The following ARHGAP6 variants were observed in gnomAD, a reference collection of about 807,000 sequenced individuals.
The protein encoded by ARHGAP6 is Rho GTPase activating protein 6, also known as rho GTPase-activating protein 6.
Under a neutral mutation model 55.7 loss-of-function variants are expected in ARHGAP6, and 16 were observed. The ratio of observed to expected loss-of-function variants is 0.29; its 90% CI spans 0.19 to 0.44. The LOEUF (loss-of-function observed/expected upper bound fraction) is 0.44. ARHGAP6 is among the 20% of genes least tolerant of loss of function. ARHGAP6 has a pLI of 1.00. For missense variants in ARHGAP6, 698 were observed against 808.9 expected (o/e 0.86, Z 1.66); for synonymous variants, 382 against 360.9 (o/e 1.06, Z -0.66).
chrX:11,529,574 G>A (rs2051026873), intron 1 of ARHGAP6, among the ~76,000 whole-genome samples: 1 of 111,230 alleles, frequency 9.0e-6, no homozygotes, highest in African/African-American at 3.3e-5. Context: ...GCACTGGTCC[G>A]GGGACCATAC....
intron 1 of ARHGAP6, among the ~76,000 whole-genome samples, chrX:11,625,125 T>C (rs1341517948): frequency 8.9e-6 from 1 of 111,797 alleles, no homozygotes; most frequent in Non-Finnish European, 1.9e-5. Flanking sequence ...AATAGAACTG[T>C]AACACCATAT....
At chrX:11,409,469 T>C (rs1057510835) in intron 1 of ARHGAP6, among the ~76,000 whole-genome samples, 8 of 111,525 alleles carry the variant, frequency 7.2e-5, no homozygotes, top group Non-Finnish European at 1.3e-4. Context: ...ATGGTTGAAG[T>C]GGATGACCCC....
rs769828189 is a variant in ARHGAP6 at position 11,506,237 on chromosome X, C to T, written c.588+158004G>A. ...GGGGCTTTTTCTTCCTAAGACAGTA[C>T]ATAGTCTCCTTTTTTATATATACTT... is the stretch of plus-strand genomic sequence containing the variant. On this transcript the variant is annotated intron_variant, in intron 1 of 12. Coordinates refer to ENST00000337414, the MANE Select transcript of ARHGAP6 (RefSeq NM_013427.3). 3.2e-4 allele frequency among the ~76,000 whole-genome samples: 35 copies of T among 111,034 alleles called. No homozygotes were observed. In the South Asian group the frequency reaches 6.2e-3, roughly 20 times the overall value.
At chrX:11,139,795 A>C (rs922003988) in intron 12 of ARHGAP6, among the ~76,000 whole-genome samples, 1 of 112,311 alleles carries the variant, frequency 8.9e-6, no homozygotes, top group African/African-American at 3.2e-5. Flanking sequence ...TATATTAATA[A>C]TTGGCTTTGC....
chrX:11,627,532 T>C (rs920727130), intron 1 of ARHGAP6, among the ~76,000 whole-genome samples: 1 of 111,857 alleles, frequency 8.9e-6, no homozygotes, highest in Admixed American at 9.5e-5. Context: ...TTTTTAAACA[T>C]GCAAAAATGC....
At chrX:11,354,990 C>G (rs2048915000) in intron 1 of ARHGAP6, among the ~76,000 whole-genome samples, 1 of 111,478 alleles carries the variant, frequency 9.0e-6, no homozygotes, top group Non-Finnish European at 1.9e-5. Context: ...TAGGATGATA[C>G]TTTAAAAATT....
intron 1 of ARHGAP6, among the ~76,000 whole-genome samples, chrX:11,425,243 C>A (rs918245097): frequency 2.1e-4 from 24 of 111,672 alleles, no homozygotes; most frequent in African/African-American, 7.5e-4. Flanking sequence ...CCAAAAAAAA[C>A]CCAAGATCAC....
intron 12 of ARHGAP6, among the ~76,000 whole-genome samples, chrX:11,140,417 CAA>C (rs1211125181): frequency 1.2e-4 from 5 of 41,441 alleles, no homozygotes; most frequent in Admixed American, 3.5e-4. Context: ...GACTCCGTCA[CAA>C]AAAAAAAAAA....
chrX:11,257,147 A>G (rs1020025850), intron 1 of ARHGAP6, among the ~76,000 whole-genome samples: 1 of 111,552 alleles, frequency 9.0e-6, no homozygotes, highest in Non-Finnish European at 1.9e-5. Context: ...AATTTTTTTT[A>G]TTATTATTTT....
chrX:11,267,839 AAAAC>A (rs2047647139), intron 1 of ARHGAP6, among the ~76,000 whole-genome samples: 1 of 112,421 alleles, frequency 8.9e-6, no homozygotes, highest in African/African-American at 3.2e-5. Flanking sequence ...TCAAACCAGA[AAAAC>A]AAAACATAAA....
chrX:11,469,752 A>T lies in ARHGAP6; in HGVS notation c.588+194489T>A, dbSNP rs140263887. Among the ~76,000 whole-genome samples the T allele has an allele frequency of 8.1e-5, 9 of 111,475 alleles. No individual in the cohort carries two copies. In the East Asian group the frequency reaches 2.5e-3, roughly 31 times the overall value. On this transcript the variant is annotated intron_variant, in intron 1 of 12. Coordinates refer to ENST00000337414, the MANE Select transcript of ARHGAP6 (RefSeq NM_013427.3). The stretch of plus-strand genomic sequence containing the variant: ...AAGGAAGGGAATAATAGCAGAAGAA[A>T]AGCCTATCCCAATGTCATTCTCATA...
At chrX:11,513,287 C>T (rs144819650) in intron 1 of ARHGAP6, among the ~76,000 whole-genome samples, 3,110 of 111,475 alleles carry the variant, frequency 0.028, 48 homozygotes, top group Non-Finnish European at 0.044. Flanking sequence ...AAACAAACCA[C>T]CACCAACAAA....
At chrX:11,153,449 C>T (rs186478241) in intron 10 of ARHGAP6, among the ~76,000 whole-genome samples, 29 of 95,618 alleles carry the variant, frequency 3.0e-4, no homozygotes, top group African/African-American at 1.1e-3. Context: ...CGTTTGAACC[C>T]GGGAGGTGGG....
chrX:11,426,874 C>A (rs2049885514), intron 1 of ARHGAP6, among the ~76,000 whole-genome samples: 1 of 110,333 alleles, frequency 9.1e-6, no homozygotes, highest in African/African-American at 3.3e-5. Flanking sequence ...GTACCTGCAG[C>A]ACCTAGCGCA....
At chrX:11,344,274 T>A (rs1392405073) in intron 1 of ARHGAP6, among the ~76,000 whole-genome samples, 1 of 111,668 alleles carries the variant, frequency 9.0e-6, no homozygotes, top group African/African-American at 3.3e-5. Context: ...ATAAAAAATG[T>A]CCCATTGTCA....
At chrX:11,174,584 T>TTC (rs1366551800) in intron 8 of ARHGAP6, among the ~76,000 whole-genome samples, 34 of 91,854 alleles carry the variant, frequency 3.7e-4, no homozygotes, top group African/African-American at 1.1e-3. Flanking sequence ...CTTTCTTTCT[T>TTC]TCTTTCTTTT....
chrX:11,511,197 T>C (rs919942179), intron 1 of ARHGAP6, among the ~76,000 whole-genome samples: 1 of 112,332 alleles, frequency 8.9e-6, no homozygotes, highest in African/African-American at 3.2e-5. Flanking sequence ...TATACAAGCC[T>C]GCTATTGTAT....
At chrX:11,329,696 A>G (rs939950227) in intron 1 of ARHGAP6, among the ~76,000 whole-genome samples, 10 of 111,965 alleles carry the variant, frequency 8.9e-5, no homozygotes, top group African/African-American at 3.2e-4. Flanking sequence ...AAAGAGTTAC[A>G]TACAAAAAGG....
chrX:11,290,270 G>T, intron 1 of ARHGAP6: 1 of 242,234 alleles, frequency 4.1e-6, no homozygotes, highest in Non-Finnish European at 8.1e-6. Flanking sequence ...CAATGTCATG[G>T]AAAACTTTTC....
Sources: gnomAD v4.1 joint callset for allele counts (sites outside exome capture counted in the v4.1 genomes callset) on GRCh38, gnomAD v4.1.1 for gene constraint, MANE v1.5 for transcripts, NCBI Gene and HGNC (gene_info 2026-07-23, HGNC 2026-07-21) for gene names.